The following CDC42 variants were observed in gnomAD, a reference collection of about 807,000 sequenced individuals.
CDC42 encodes cell division control protein 42 homolog.
A neutral mutation model predicts 20.8 loss-of-function variants in CDC42; 1 was observed. The observed-to-expected ratio is 0.05, with a 90% CI of 0.02 to 0.23. The LOEUF is 0.23. CDC42 is among the 10% of genes least tolerant of loss of function. The pLI, the probability that CDC42 is intolerant of heterozygous loss-of-function variation, is 1.00. For synonymous variants in CDC42, 72 were observed against 84.8 expected, an observed-to-expected ratio of 0.85 and a Z score of 0.83; for missense variants, 49 against 227.9, an observed-to-expected ratio of 0.21 and a Z score of 5.05.
chr1:22,100,126 G>A lies in CDC42; in HGVS notation c.*8609G>A, dbSNP rs1477409699. ...CTTAGTGAATACCCAAGGTCTGAGGGAGGCTTGGAGCCAGCTCTGCAACCT... is the reference window on the plus strand; with the variant it reads ...CTTAGTGAATACCCAAGGTCTGAGGAAGGCTTGGAGCCAGCTCTGCAACCT... On this transcript the variant is annotated 3_prime_UTR_variant, in exon 6 of 6. Transcript: ENST00000656825. 6.6e-6 allele frequency among the ~76,000 whole-genome samples: 1 copy of A among 151,574 alleles called. No homozygotes were observed. Among genetic ancestry groups the A allele is most frequent in the Non-Finnish European group, 1.5e-5 (1 of 67,938 alleles).
chr1:22,087,629 G>C (rs1417668770), intron 5 of CDC42, among the ~76,000 whole-genome samples: 1 of 152,192 alleles, frequency 6.6e-6, no homozygotes, highest in Non-Finnish European at 1.5e-5. Context: ...GAAATAATTA[G>C]CACAAAAGTT....
At position 22,100,931 on chromosome 1, in the gene CDC42, T is replaced by C. The variant is rs1386728361; in HGVS notation, c.*9414T>C. On this transcript the variant is annotated 3_prime_UTR_variant, in exon 6 of 6. Transcript: ENST00000656825. ...CTTGATTCTGAAGCTCTTAAAGAAA[T>C]GCTCCTTTTTCTCCATAACTTGAGG... 2.0e-5 allele frequency: 3 copies of C among 152,324 alleles called. No homozygotes were observed. In the East Asian group the frequency reaches 5.8e-4, roughly 29 times the overall value. 9.4% of individuals were successfully genotyped at this position (152,324 alleles called of 1,614,324 possible). A position where few individuals can be genotyped will look rare whatever the true frequency, so the allele number is the denominator to read the frequency against.
chr1:22,054,891 G>GTGTATATA (rs1351864605), intron 1 of CDC42, among the ~76,000 whole-genome samples: 3 of 71,890 alleles, frequency 4.2e-5, no homozygotes, highest in South Asian at 5.4e-4. Flanking sequence ...TTGAATTTAT[G>GTGTATATA]TATATATATA....
At chr1:22,059,800 TC>T (rs1368987945) in intron 1 of CDC42, 1 of 152,198 alleles carries the variant, frequency 6.6e-6, no homozygotes, top group East Asian at 1.9e-4. Flanking sequence ...TGCCTTGGCC[TC>T]CCAAAGTGCT....
At chr1:22,060,042 A>G (rs1285121731) in intron 1 of CDC42, among the ~76,000 whole-genome samples, 3 of 152,022 alleles carry the variant, frequency 2.0e-5, no homozygotes, top group East Asian at 3.9e-4. Context: ...GTCCTTTTCA[A>G]TTGAAAGATT....
intron 3 of CDC42, among the ~76,000 whole-genome samples, chr1:22,083,373 C>T (rs1339267153): frequency 2.6e-5 from 4 of 151,868 alleles, no homozygotes; most frequent in African/African-American, 9.7e-5. Context: ...GAGGCTGAGA[C>T]AGGCAGTTCA....
intron 5 of CDC42, among the ~76,000 whole-genome samples, chr1:22,089,072 T>C (rs566836885): frequency 9.2e-5 from 14 of 152,254 alleles, no homozygotes; most frequent in African/African-American, 2.4e-4. Context: ...TTAGGACATA[T>C]TTACTTGGGA....
intron 1 of CDC42, among the ~76,000 whole-genome samples, chr1:22,068,166 A>G (rs1420210454): frequency 2.6e-5 from 4 of 152,222 alleles, no homozygotes; most frequent in Admixed American, 2.0e-4. Flanking sequence ...CAGAGGATGT[A>G]TGACATCCAT....
chr1:22,053,398 C>G (rs985183330), intron 1 of CDC42: 25 of 152,106 alleles, frequency 1.6e-4, no homozygotes, highest in African/African-American at 6.0e-4. Flanking sequence ...GGGGTGGCCC[C>G]GAGCCACGGC....
chr1:22,053,652 A>G (rs1645263172), intron 1 of CDC42, among the ~76,000 whole-genome samples: 1 of 152,176 alleles, frequency 6.6e-6, no homozygotes, highest in Non-Finnish European at 1.5e-5. Flanking sequence ...TCGCGGTATA[A>G]GGAGTGAGAC....
chr1:22,100,460 A>G lies in CDC42; in HGVS notation c.*8943A>G, dbSNP rs776245373. On this transcript the variant is annotated 3_prime_UTR_variant, in exon 6 of 6. Coordinates refer to ENST00000656825, the MANE Select transcript of CDC42 (RefSeq NM_001791.4). ...TTTGGCTCTGCCACTAACTTGATCT[A>G]TGTCTTCAGGCAAGTAACTTAAATG... Among the ~76,000 whole-genome samples, 14 of 152,220 alleles carry G rather than the reference A, an allele frequency of 9.2e-5. No homozygotes were observed. The highest frequency in any genetic ancestry group is 1.9e-4 in the African/African-American group (8 of 41,462).
chr1:22,067,407 C>T (rs1294004709), intron 1 of CDC42, among the ~76,000 whole-genome samples: 8 of 152,184 alleles, frequency 5.3e-5, no homozygotes, highest in Admixed American at 2.0e-4. Flanking sequence ...CTCCCACCTC[C>T]GCCTCCCAAG....
At chr1:22,071,648 A>AT in intron 1 of CDC42, among the ~76,000 whole-genome samples, 1 of 152,248 alleles carries the variant, frequency 6.6e-6, no homozygotes, top group African/African-American at 2.4e-5. Flanking sequence ...AGTAGTTTTG[A>AT]TTTTATTCTG....
At chr1:22,078,934 T>G in intron 2 of CDC42, 7 of 993,910 alleles carry the variant, frequency 7.0e-6, no homozygotes, top group South Asian at 1.7e-5. Context: ...GATCAGTACT[T>G]GGAGGTCTCC....
chr1:22,077,610 A>T lies in CDC42; in HGVS notation c.-50-819A>T, dbSNP rs1208086604. On this transcript the variant is annotated intron_variant, in intron 1 of 5. Transcript: ENST00000656825. The stretch of plus-strand genomic sequence containing the variant: ...GAATCTAAGATTCCAATTTCATAGA[A>T]GTCAAAATGTGGGGGAAAAATGGCT... Among the ~76,000 whole-genome samples the T allele has an allele frequency of 2.0e-5, 3 of 152,182 alleles. No homozygotes were observed. The East Asian group carries it at 5.8e-4, about 29-fold the overall frequency.
intron 1 of CDC42, 42 bp from the exon 2 acceptor site, chr1:22,078,387 T>C: frequency 1.1e-6 from 1 of 940,092 alleles, no homozygotes; most frequent in African/African-American, 1.7e-5. Context: ...GAAAAATCCA[T>C]ATGTAAGTAT....
chr1:22,084,824 T>C (rs1487482640), intron 3 of CDC42, among the ~76,000 whole-genome samples: 5 of 152,116 alleles, frequency 3.3e-5, no homozygotes, highest in African/African-American at 1.2e-4. Flanking sequence ...TTTTAGTATA[T>C]AGTATTAGGT....
In CDC42 at chr1:22,090,090, C is replaced by T. The variant is rs200239134; in HGVS notation, c.487-1338C>T. On this transcript the variant is annotated intron_variant, in intron 5 of 5. Transcript: ENST00000656825. ...TCCTGTCCCACTACTGTAGAAAGAT[C>T]GTTTAAAAACAAAGGAATAAAACCA... 5.8e-5 allele frequency: 92 copies of T among 1,583,546 alleles called. No individual in the cohort carries two copies. In the East Asian group the frequency reaches 1.1e-3, roughly 19 times the overall value.
chr1:22,078,307 C>G (rs1438696577), intron 1 of CDC42, 122 bp from the exon 2 acceptor site: 2 of 510,928 alleles, frequency 3.9e-6, no homozygotes, highest in Non-Finnish European at 7.0e-6. Flanking sequence ...TTATTGGGTT[C>G]TTTTAGCCAT....
Sources: gnomAD v4.1 joint callset for allele counts (sites outside exome capture counted in the v4.1 genomes callset) on GRCh38, gnomAD v4.1.1 for gene constraint, MANE v1.5 for transcripts, NCBI Gene and HGNC (gene_info 2026-07-23, HGNC 2026-07-21) for gene names.